Variants in CFAP299 observed in about 807,000 individuals in gnomAD.
CFAP299 encodes cilia and flagella associated protein 299.
In CFAP299, 21 loss-of-function variants were observed where a neutral mutation model predicts 27.0. That is an observed-to-expected ratio of 0.78 (90% CI 0.55 to 1.12). CFAP299 has a LOEUF of 1.12. Among genes scored for constraint, CFAP299 ranks in the 50% most tolerant of loss-of-function variants. The pLI, the probability that CFAP299 is intolerant of heterozygous loss-of-function variation, is 0.00. For synonymous variants in CFAP299, 104 were observed against 98.1 expected, an observed-to-expected ratio of 1.06 and a Z score of -0.36; for missense variants, 310 against 276.6, an observed-to-expected ratio of 1.12 and a Z score of -0.86.
intron 2 of CFAP299, among the ~76,000 whole-genome samples, chr4:80,510,556 C>T (rs1732245504): frequency 6.6e-6 from 1 of 152,148 alleles, no homozygotes; most frequent in African/African-American, 2.4e-5. Context: ...CTGTCCCCAA[C>T]ACTGACTGCT....
At chr4:80,439,399 T>C (rs1289365385) in intron 2 of CFAP299, among the ~76,000 whole-genome samples, 1 of 152,148 alleles carries the variant, frequency 6.6e-6, no homozygotes. Flanking sequence ...CACAGAGGGC[T>C]TGCAGAAGCA....
intron 3 of CFAP299, among the ~76,000 whole-genome samples, chr4:80,709,572 A>T (rs933350793): frequency 1.8e-4 from 27 of 152,184 alleles, no homozygotes; most frequent in African/African-American, 5.8e-4. Context: ...GGACAATCTG[A>T]TTCAGCAAAG....
intron 4 of CFAP299, among the ~76,000 whole-genome samples, chr4:80,926,565 G>T (rs1736315295): frequency 6.6e-6 from 1 of 152,008 alleles, no homozygotes; most frequent in South Asian, 2.1e-4. Flanking sequence ...CAAGATGCAT[G>T]GAGAAGGAGA....
At chr4:80,958,704 G>T (rs1253006412) in intron 5 of CFAP299, among the ~76,000 whole-genome samples, 1 of 152,124 alleles carries the variant, frequency 6.6e-6, no homozygotes, top group Admixed American at 6.6e-5. Flanking sequence ...TTCCTACTCT[G>T]CTGAATCTTG....
At chr4:80,937,181 A>G (rs999429807) in intron 4 of CFAP299, among the ~76,000 whole-genome samples, 4 of 151,560 alleles carry the variant, frequency 2.6e-5, no homozygotes, top group African/African-American at 9.7e-5. Flanking sequence ...TAATCTTGTT[A>G]TCATTATACA....
At chr4:80,819,166 A>G (rs1423804359) in intron 3 of CFAP299, among the ~76,000 whole-genome samples, 1 of 152,096 alleles carries the variant, frequency 6.6e-6, no homozygotes, top group East Asian at 1.9e-4. Context: ...GAAGCTATGT[A>G]GGATTTATGA....
chr4:80,581,831 C>G (rs1454469805), intron 2 of CFAP299, among the ~76,000 whole-genome samples: 2 of 151,838 alleles, frequency 1.3e-5, no homozygotes. Flanking sequence ...TTCTAAAACA[C>G]AGATTTGATT....
At chr4:80,469,515 A>C (rs956190948) in intron 2 of CFAP299, among the ~76,000 whole-genome samples, 8 of 152,196 alleles carry the variant, frequency 5.3e-5, no homozygotes, top group South Asian at 2.1e-4. Context: ...ATGCATTAGT[A>C]TGAATATAAT....
rs187409875 is a variant in CFAP299, at chr4:80,945,204, C to G, written c.606+265C>G. ...CTTCTCCATGCCTAGCACAGAATTG[C>G]ACCAGGGAGCCAGTAGGCCACGCAT... On this transcript the variant is annotated intron_variant, in intron 5 of 5. Transcript: ENST00000358105. 4.0e-3 allele frequency among the ~76,000 whole-genome samples: 611 copies of G among 152,306 alleles called. 1 individual carries two copies. Among genetic ancestry groups the G allele is most frequent in the Middle Eastern group, 0.014 (4 of 294 alleles).
intron 4 of CFAP299, among the ~76,000 whole-genome samples, chr4:80,933,593 TTA>T (rs1219932372): frequency 6.6e-6 from 1 of 152,164 alleles, no homozygotes; most frequent in Non-Finnish European, 1.5e-5. Context: ...TTCTATTTTT[TTA>T]TGACATCAAT....
intron 2 of CFAP299, among the ~76,000 whole-genome samples, chr4:80,424,991 C>T (rs570654692): frequency 3.9e-5 from 6 of 152,174 alleles, no homozygotes; most frequent in South Asian, 2.1e-4. Context: ...GGAGACTCTT[C>T]GGTGCCCATC....
In CFAP299 at chr4:80,581,453, G is replaced by GATATATATATATATATATATAT. The variant is rs70944794; in HGVS notation, c.243-1625_243-1604dup. Among the ~76,000 whole-genome samples the GATATATATATATATATATATAT allele has an allele frequency of 2.0e-3, 207 of 102,898 alleles. 5 individuals are homozygous for GATATATATATATATATATATAT. The highest frequency in any genetic ancestry group is 4.7e-3 in the African/African-American group (75 of 15,906). 67.5% of individuals were successfully genotyped at this position (102,898 alleles called of 152,430 possible). ...TGATATATATATAGATATTAAGTGA[G>GATATATATATATATATATATAT]ATATATATATATATATATATATATA... On this transcript the variant is annotated intron_variant, in intron 2 of 5. Coordinates refer to ENST00000358105, the MANE Select transcript of CFAP299 (RefSeq NM_152770.3).
chr4:80,631,868 C>G (rs1222586609), intron 3 of CFAP299, among the ~76,000 whole-genome samples: 2 of 107,756 alleles, frequency 1.9e-5, no homozygotes, highest in Non-Finnish European at 4.2e-5. Context: ...TGCCCCACCC[C>G]CCCCCAACCA....
At chr4:80,504,579 A>G (rs1731921130) in intron 2 of CFAP299, among the ~76,000 whole-genome samples, 3 of 142,552 alleles carry the variant, frequency 2.1e-5, no homozygotes, top group Admixed American at 1.5e-4. Flanking sequence ...CTTCCCTTTT[A>G]AAATGTGTGC....
At position 80,678,404 on chromosome 4, in the gene CFAP299, G is replaced by A. The variant is rs533493921; in HGVS notation, c.333+95221G>A. Among the ~76,000 whole-genome samples the A allele has an allele frequency of 3.9e-5, 6 of 152,070 alleles. No homozygotes were observed. In the South Asian group the frequency reaches 1.0e-3, roughly 26 times the overall value. ...ACTAGCTTCCTAGTTACCTAATAAAGTAAGAATTTACATTTATTGAATGCT... is the reference window on the plus strand; with the variant it reads ...ACTAGCTTCCTAGTTACCTAATAAAATAAGAATTTACATTTATTGAATGCT... On this transcript the variant is annotated intron_variant, in intron 3 of 5. Transcript: ENST00000358105.
At chr4:80,813,857 A>G (rs917588546) in intron 3 of CFAP299, among the ~76,000 whole-genome samples, 1 of 152,022 alleles carries the variant, frequency 6.6e-6, no homozygotes, top group African/African-American at 2.4e-5. Context: ...GGAAAAAAAC[A>G]AAAGACAGTA....
At chr4:80,641,511 C>T (rs973694877) in intron 3 of CFAP299, among the ~76,000 whole-genome samples, 2 of 152,066 alleles carry the variant, frequency 1.3e-5, no homozygotes, top group African/African-American at 4.8e-5. Flanking sequence ...TCTTATTTTT[C>T]TTTTAAATCC....
intron 2 of CFAP299, among the ~76,000 whole-genome samples, chr4:80,512,477 A>C (rs887040259): frequency 2.0e-5 from 3 of 152,088 alleles, no homozygotes; most frequent in Non-Finnish European, 4.4e-5. Flanking sequence ...AAGGACTTAT[A>C]TTTTGGATTC....
At chr4:80,690,291 A>G (rs1720572189) in intron 3 of CFAP299, among the ~76,000 whole-genome samples, 3 of 150,936 alleles carry the variant, frequency 2.0e-5, no homozygotes, top group Admixed American at 2.0e-4. Flanking sequence ...ACATACTTGG[A>G]AGTAAAGCTC....
Sources: allele counts gnomAD v4.1 joint callset (sites outside exome capture counted in the v4.1 genomes callset), GRCh38; gene constraint gnomAD v4.1.1; transcripts MANE v1.5; gene names NCBI Gene and HGNC (gene_info 2026-07-23, HGNC 2026-07-21).